The following MPP7 variants were observed in gnomAD, a reference collection of about 807,000 sequenced individuals.
The protein encoded by MPP7 is MAGUK p55 scaffold protein 7.
Under a neutral mutation model 76.5 loss-of-function variants are expected in MPP7, and 60 were observed. That is an observed-to-expected ratio of 0.78 (90% CI 0.64 to 0.97). The LOEUF (loss-of-function observed/expected upper bound fraction) is 0.97, where lower values mean the gene tolerates loss of function less well. MPP7 is among the 50% of genes least tolerant of loss of function. The pLI is 0.00. For synonymous variants in MPP7, 237 were observed against 244.5 expected (o/e 0.97, Z 0.29); for missense variants, 641 against 694.0 (o/e 0.92, Z 0.86).
chr10:28,185,960 C>A (rs921743844), intron 3 of MPP7, among the ~76,000 whole-genome samples: 1 of 152,166 alleles, frequency 6.6e-6, no homozygotes, highest in East Asian at 1.9e-4. Flanking sequence ...CTTGACACAG[C>A]AGATCCCACA....
intron 8 of MPP7, among the ~76,000 whole-genome samples, chr10:28,121,358 A>G (rs971227086): frequency 6.6e-6 from 1 of 151,720 alleles, no homozygotes; most frequent in South Asian, 2.1e-4. Flanking sequence ...AACACCTATA[A>G]TGTCAGTAGT....
intron 1 of MPP7, among the ~76,000 whole-genome samples, chr10:28,257,786 G>A (rs569167289): frequency 1.3e-5 from 2 of 149,664 alleles, no homozygotes; most frequent in East Asian, 2.0e-4. Context: ...TTCCATGAAC[G>A]TAACTCTTTT....
intron 1 of MPP7, among the ~76,000 whole-genome samples, chr10:28,264,100 C>T (rs1840070996): frequency 1.3e-5 from 2 of 152,172 alleles, no homozygotes; most frequent in Non-Finnish European, 2.9e-5. Context: ...AGTTGGAGAC[C>T]AGCCTGGACA....
chr10:28,334,090 A>C (rs1017752397), intron 1 of MPP7, among the ~76,000 whole-genome samples: 10 of 152,132 alleles, frequency 6.6e-5, no homozygotes, highest in Non-Finnish European at 1.3e-4. Flanking sequence ...AGTCCCAGCT[A>C]CTCAGGAAGC....
At chr10:28,328,906 C>A (rs1363289305) in intron 2 of MPP7, among the ~76,000 whole-genome samples, 1 of 152,182 alleles carries the variant, frequency 6.6e-6, no homozygotes, top group Non-Finnish European at 1.5e-5. Context: ...CCACTGTTTT[C>A]ACCATTATAG....
chr10:28,246,923 A>T (rs531623135), intron 1 of MPP7, among the ~76,000 whole-genome samples: 1 of 152,304 alleles, frequency 6.6e-6, no homozygotes, highest in South Asian at 2.1e-4. Context: ...CAAGTCCATC[A>T]GCTCAAGTCC....
chr10:28,190,014 G>C (rs186785403), intron 3 of MPP7, among the ~76,000 whole-genome samples: 1 of 152,190 alleles, frequency 6.6e-6, no homozygotes, highest in Non-Finnish European at 1.5e-5. Context: ...ACCCAAAAAA[G>C]ATGGAGTACA....
At chr10:28,090,757 T>C (rs1258598790) in intron 11 of MPP7, among the ~76,000 whole-genome samples, 2 of 152,218 alleles carry the variant, frequency 1.3e-5, no homozygotes, top group South Asian at 2.1e-4. Context: ...CAGTTAACTT[T>C]AACTGGACTC....
intron 12 of MPP7, among the ~76,000 whole-genome samples, chr10:28,072,001 C>T (rs1852262247): frequency 1.3e-5 from 2 of 152,204 alleles, no homozygotes; most frequent in African/African-American, 2.4e-5. Flanking sequence ...GGGCCTGGCG[C>T]GGTGGCTCAC....
intron 5 of MPP7, among the ~76,000 whole-genome samples, chr10:28,137,914 A>G (rs1185466877): frequency 6.6e-6 from 1 of 152,196 alleles, no homozygotes; most frequent in African/African-American, 2.4e-5. Flanking sequence ...TGTTCTAAGT[A>G]TCTGTCAGGT....
chr10:28,327,518 T>C (rs569161568), intron 2 of MPP7, among the ~76,000 whole-genome samples: 2 of 152,202 alleles, frequency 1.3e-5, no homozygotes, highest in South Asian at 2.1e-4. Context: ...TAACAACTTT[T>C]GATTTTTTTT....
At chr10:28,108,740 A>G (rs944071343) in intron 11 of MPP7, among the ~76,000 whole-genome samples, 8 of 152,172 alleles carry the variant, frequency 5.3e-5, no homozygotes, top group Admixed American at 1.3e-4. Context: ...TACTAAAAGT[A>G]GAGAGTTTGT....
intron 2 of MPP7, among the ~76,000 whole-genome samples, chr10:28,229,138 T>C (rs1838794378): frequency 6.6e-6 from 1 of 152,098 alleles, no homozygotes; most frequent in African/African-American, 2.4e-5. Context: ...AAAAGCCAAA[T>C]GAATTCTGGA....
chr10:28,144,850 T>A (rs1387375048), intron 5 of MPP7, among the ~76,000 whole-genome samples: 1 of 152,114 alleles, frequency 6.6e-6, no homozygotes, highest in East Asian at 1.9e-4. Context: ...TGTACGTATA[T>A]CCTCTATAAT....
intron 3 of MPP7, among the ~76,000 whole-genome samples, chr10:28,179,378 G>A (rs1836984756): frequency 6.6e-6 from 1 of 151,974 alleles, no homozygotes; most frequent in Non-Finnish European, 1.5e-5. Flanking sequence ...GATTCCAAGA[G>A]TCATATGGTT....
At chr10:28,326,683 G>C (rs555697394) in intron 2 of MPP7, among the ~76,000 whole-genome samples, 4 of 152,116 alleles carry the variant, frequency 2.6e-5, no homozygotes, top group Admixed American at 6.5e-5. Context: ...CAAATTGCCT[G>C]TCCACAGCGT....
upstream of MPP7, among the ~76,000 whole-genome samples, chr10:28,306,911 A>T (rs12098410): frequency 6.6e-6 from 1 of 152,042 alleles, no homozygotes; most frequent in African/African-American, 2.4e-5. Context: ...CTATTCTCCT[A>T]TTCTGATAAC....
chr10:28,225,591 G>A (rs1362069717), intron 2 of MPP7, among the ~76,000 whole-genome samples: 3 of 152,176 alleles, frequency 2.0e-5, no homozygotes, highest in South Asian at 2.1e-4. Flanking sequence ...TTAGGGAAAT[G>A]CAAATCAAAA....
intron 3 of MPP7, among the ~76,000 whole-genome samples, chr10:28,176,666 G>A (rs1311548495): frequency 6.6e-6 from 1 of 152,048 alleles, no homozygotes; most frequent in African/African-American, 2.4e-5. Context: ...GAACTCAGGA[G>A]GCAAAGGTTG....
Sources: gnomAD v4.1 joint callset for allele counts (sites outside exome capture counted in the v4.1 genomes callset) on GRCh38, gnomAD v4.1.1 for gene constraint, MANE v1.5 for transcripts, NCBI Gene and HGNC (gene_info 2026-07-23, HGNC 2026-07-21) for gene names.